Variants in ASAP1 observed in about 807,000 individuals in gnomAD.
The protein encoded by ASAP1 is ArfGAP with SH3 domain, ankyrin repeat and PH domain 1.
ASAP1 carries 43 observed loss-of-function variants against 145.2 expected under a neutral mutation model. The observed-to-expected ratio is 0.30, with a 90% CI of 0.23 to 0.38. The LOEUF is 0.38. Among genes scored for constraint, ASAP1 ranks in the 10% least tolerant of loss-of-function variants. ASAP1 has a pLI of 1.00. For missense variants in ASAP1, 1,018 were observed against 1,355.3 expected (o/e 0.75, Z 3.91); for synonymous variants, 546 against 515.5 (o/e 1.06, Z -0.80).
At chr8:130,317,056 A>G (rs1586817853) in intron 3 of ASAP1, among the ~76,000 whole-genome samples, 1 of 148,800 alleles carries the variant, frequency 6.7e-6, no homozygotes, top group African/African-American at 2.5e-5. Context: ...CTTGAGACTC[A>G]TTCCTATTTT....
intron 3 of ASAP1, among the ~76,000 whole-genome samples, chr8:130,245,547 A>G (rs80237624): frequency 0.011 from 1,750 of 152,304 alleles, 26 homozygotes; most frequent in African/African-American, 0.037. Context: ...GATTTAGTCC[A>G]TCCAAGAAAA....
chr8:130,177,770 C>T (rs1295495391), intron 9 of ASAP1, among the ~76,000 whole-genome samples: 1 of 152,158 alleles, frequency 6.6e-6, no homozygotes, highest in Non-Finnish European at 1.5e-5. Context: ...GAGAAATATC[C>T]TAGACAATAA....
At chr8:130,113,433 G>T (rs1189890431) in intron 23 of ASAP1, among the ~76,000 whole-genome samples, 1 of 152,204 alleles carries the variant, frequency 6.6e-6, no homozygotes, top group Non-Finnish European at 1.5e-5. Flanking sequence ...TGAGGCAGCT[G>T]CTTGGTCCTC....
At chr8:130,412,722 G>A (rs1829319896) in intron 1 of ASAP1, among the ~76,000 whole-genome samples, 1 of 151,630 alleles carries the variant, frequency 6.6e-6, no homozygotes, top group Admixed American at 6.6e-5. Context: ...TGCGATCCTG[G>A]CTCACTGCAA....
At chr8:130,217,690 T>C (rs1433091934) in intron 4 of ASAP1, among the ~76,000 whole-genome samples, 1 of 152,122 alleles carries the variant, frequency 6.6e-6, no homozygotes, top group Non-Finnish European at 1.5e-5. Flanking sequence ...TGGTTAATAT[T>C]TGTTGACCTG....
At chr8:130,225,385 CA>C (rs1479966603) in intron 4 of ASAP1, among the ~76,000 whole-genome samples, 4 of 152,130 alleles carry the variant, frequency 2.6e-5, no homozygotes, top group Admixed American at 2.0e-4. Context: ...TAACCCAAAA[CA>C]ATGTATTTGT....
chr8:130,296,589 T>A (rs186345776), intron 3 of ASAP1, among the ~76,000 whole-genome samples: 1 of 151,656 alleles, frequency 6.6e-6, no homozygotes, highest in East Asian at 1.9e-4. Context: ...ATTCATTACA[T>A]GATACTTCCT....
chr8:130,391,915 G>C (rs975241634), intron 2 of ASAP1, among the ~76,000 whole-genome samples: 2 of 152,212 alleles, frequency 1.3e-5, no homozygotes, highest in Admixed American at 1.3e-4. Context: ...CCCTGGAAAG[G>C]CTTCACCCTG....
chr8:130,310,169 GAGATAA>G (rs1440836164), intron 3 of ASAP1, among the ~76,000 whole-genome samples: 3 of 150,996 alleles, frequency 2.0e-5, no homozygotes, highest in African/African-American at 4.9e-5. Context: ...GGGAGGGGAG[GAGATAA>G]AGATAGAGGG....
At chr8:130,241,011 A>G (rs574609975) in intron 3 of ASAP1, among the ~76,000 whole-genome samples, 1 of 152,254 alleles carries the variant, frequency 6.6e-6, no homozygotes, top group Non-Finnish European at 1.5e-5. Flanking sequence ...TGAGACTTTG[A>G]GGACAAGGAG....
chr8:130,133,723 T>C lies in ASAP1; in HGVS notation c.1217+573A>G, dbSNP rs186389756. Reference sequence around the variant, plus strand: ...AACAAAAAACTCCAACCCAGGAGTATGTGATACCAACCTGTTCCTTTCCAC... The same window carrying C: ...AACAAAAAACTCCAACCCAGGAGTACGTGATACCAACCTGTTCCTTTCCAC... On this transcript the variant is annotated intron_variant, in intron 15 of 29. Transcript: ENST00000518721. Among the ~76,000 whole-genome samples, 71 of 151,868 alleles carry C rather than the reference T, an allele frequency of 4.7e-4. No homozygotes were observed. In the East Asian group the frequency reaches 7.7e-3, roughly 17 times the overall value.
intron 22 of ASAP1, among the ~76,000 whole-genome samples, chr8:130,115,989 T>C (rs2097555213): frequency 6.6e-6 from 1 of 152,234 alleles, no homozygotes; most frequent in Admixed American, 6.5e-5. Context: ...TCTTATTAAA[T>C]GGGCCTCAAA....
chr8:130,223,650 G>C (rs945562361), intron 4 of ASAP1, among the ~76,000 whole-genome samples: 2 of 151,694 alleles, frequency 1.3e-5, no homozygotes, highest in Non-Finnish European at 2.9e-5. Flanking sequence ...GGTTATTAAA[G>C]GAAATAGATG....
In ASAP1 at chr8:130,369,321, A is replaced by T. The variant is rs186828886; in HGVS notation, c.60-11178T>A. Among the ~76,000 whole-genome samples the T allele has an allele frequency of 3.1e-4, 47 of 152,322 alleles. No individual in the cohort carries two copies. The East Asian group carries it at 8.7e-3, about 28-fold the overall frequency. Reference sequence around the variant, plus strand: ...ACACATAGCCTGAAGGTAATCTTATACTATATTTTTAATGATTTTGAGCAG... The same window carrying T: ...ACACATAGCCTGAAGGTAATCTTATTCTATATTTTTAATGATTTTGAGCAG... On this transcript the variant is annotated intron_variant, in intron 2 of 29. Coordinates refer to ENST00000518721, the MANE Select transcript of ASAP1 (RefSeq NM_018482.4).
intron 12 of ASAP1, among the ~76,000 whole-genome samples, chr8:130,153,337 A>ATATATATATATATATATATATACATG (rs1565024389): frequency 1.8e-5 from 1 of 56,906 alleles, no homozygotes; most frequent in African/African-American, 6.2e-5. Context: ...TTTTAAATAT[A>ATATATATATATATATATATATACATG]TATATATATA....
chr8:130,120,352 A>G (rs983859068), intron 18 of ASAP1, among the ~76,000 whole-genome samples: 1 of 152,230 alleles, frequency 6.6e-6, no homozygotes, highest in Non-Finnish European at 1.5e-5. Context: ...CGCTCGATTC[A>G]AGTCTGAGAC....
intron 20 of ASAP1, among the ~76,000 whole-genome samples, chr8:130,117,367 G>A (rs2097557926): frequency 6.6e-6 from 1 of 152,176 alleles, no homozygotes; most frequent in African/African-American, 2.4e-5. Flanking sequence ...GTGAAGCAGG[G>A]ATATTTGAAC....
intron 11 of ASAP1, chr8:130,160,910 A>C: frequency 1.4e-6 from 1 of 697,328 alleles, no homozygotes; most frequent in Non-Finnish European, 2.1e-6. Context: ...TACACAGAAA[A>C]TATCACTGTA....
intron 3 of ASAP1, among the ~76,000 whole-genome samples, chr8:130,240,655 G>C (rs1818468632): frequency 6.6e-6 from 1 of 152,164 alleles, no homozygotes. Flanking sequence ...ACTCAAAAGA[G>C]TGGGGTGAGG....
Sources: allele counts gnomAD v4.1 joint callset (sites outside exome capture counted in the v4.1 genomes callset), GRCh38; gene constraint gnomAD v4.1.1; transcripts MANE v1.5; gene names NCBI Gene and HGNC (gene_info 2026-07-23, HGNC 2026-07-21).